ADAMTSL1: variants seen among roughly 807,000 people sequenced by gnomAD.
ADAMTSL1 encodes the protein ADAMTS-like protein 1.
In ADAMTSL1, 126 loss-of-function variants were observed where a neutral mutation model predicts 201.8. That is an observed-to-expected ratio of 0.62 (90% CI 0.54 to 0.72). The LOEUF (loss-of-function observed/expected upper bound fraction) is 0.72, where lower values mean the gene tolerates loss of function less well. ADAMTSL1 is among the 30% of genes least tolerant of loss of function. ADAMTSL1 has a pLI of 0.00. For missense variants in ADAMTSL1, 2,679 were observed against 2,277.8 expected (o/e 1.18, Z -3.59); for synonymous variants, 1,121 against 903.4 (o/e 1.24, Z -4.32).
chr9:18,529,944 T>C (rs941571158), intron 2 of ADAMTSL1, among the ~76,000 whole-genome samples: 5 of 152,200 alleles, frequency 3.3e-5, no homozygotes, highest in African/African-American at 4.8e-5. Context: ...TTTTCCTAAA[T>C]AATAAGTATT....
chr9:18,884,510 C>A (rs1828734221), intron 23 of ADAMTSL1, among the ~76,000 whole-genome samples: 1 of 151,538 alleles, frequency 6.6e-6, no homozygotes, highest in Non-Finnish European at 1.5e-5. Context: ...TTAAAGTTTT[C>A]CCCTGCGATT....
intron 2 of ADAMTSL1, among the ~76,000 whole-genome samples, chr9:18,270,884 CT>C (rs1832333924): frequency 6.6e-6 from 1 of 152,116 alleles, no homozygotes; most frequent in African/African-American, 2.4e-5. Flanking sequence ...AGAGATACAT[CT>C]TTTGCATAGT....
At chr9:18,762,233 A>G (rs1563776700) in intron 16 of ADAMTSL1, among the ~76,000 whole-genome samples, 1 of 152,122 alleles carries the variant, frequency 6.6e-6, no homozygotes, top group Non-Finnish European at 1.5e-5. Context: ...GCACATAAAC[A>G]ATGAGCCCTT....
At chr9:18,884,571 T>C (rs1828738674) in intron 23 of ADAMTSL1, among the ~76,000 whole-genome samples, 1 of 152,202 alleles carries the variant, frequency 6.6e-6, no homozygotes, top group South Asian at 2.1e-4. Context: ...CTTTCATCCA[T>C]TTTGAGTTAA....
chr9:18,585,753 A>G (rs1587642978), intron 4 of ADAMTSL1, among the ~76,000 whole-genome samples: 1 of 144,178 alleles, frequency 6.9e-6, no homozygotes, highest in South Asian at 2.2e-4. Context: ...AAGCTAATTT[A>G]GCATGAGCAA....
At chr9:18,617,562 G>A (rs574883092) in intron 4 of ADAMTSL1, among the ~76,000 whole-genome samples, 1 of 152,030 alleles carries the variant, frequency 6.6e-6, no homozygotes, top group African/African-American at 2.4e-5. Context: ...TCTGAAAGAA[G>A]AATAAAGAAA....
intron 20 of ADAMTSL1, among the ~76,000 whole-genome samples, chr9:18,802,719 C>G (rs1039172104): frequency 6.6e-6 from 1 of 152,136 alleles, no homozygotes; most frequent in Non-Finnish European, 1.5e-5. Flanking sequence ...CTTGGTTATA[C>G]ACACCTAGGA....
At chr9:18,632,588 G>A (rs1294493717) in intron 5 of ADAMTSL1, among the ~76,000 whole-genome samples, 1 of 152,006 alleles carries the variant, frequency 6.6e-6, no homozygotes, top group Non-Finnish European at 1.5e-5. Context: ...CCTTTTTCAG[G>A]ACCATCTCGT....
intron 4 of ADAMTSL1, among the ~76,000 whole-genome samples, chr9:18,587,298 A>G (rs910323873): frequency 3.0e-4 from 45 of 152,180 alleles, no homozygotes; most frequent in African/African-American, 9.9e-4. Context: ...AGTAAAGGGC[A>G]TGAACAGGCA....
At chr9:18,665,807 C>G (rs1201037966) in intron 9 of ADAMTSL1, among the ~76,000 whole-genome samples, 2 of 152,100 alleles carry the variant, frequency 1.3e-5, no homozygotes, top group African/African-American at 4.8e-5. Context: ...CGCCTATACT[C>G]TTCAAAATAC....
At chr9:18,053,485 A>G (rs564786578) in intron 1 of ADAMTSL1, among the ~76,000 whole-genome samples, 1 of 152,364 alleles carries the variant, frequency 6.6e-6, no homozygotes, top group Admixed American at 6.5e-5. Context: ...TAATTTTTAA[A>G]AACAAAGTCC....
At chr9:17,930,178 T>G (rs1563902180) in intron 1 of ADAMTSL1, among the ~76,000 whole-genome samples, 1 of 152,150 alleles carries the variant, frequency 6.6e-6, no homozygotes, top group African/African-American at 2.4e-5. Context: ...TTGGCAGGGC[T>G]GAAGTGGGGG....
At chr9:18,886,482 G>C (rs972889682) in intron 23 of ADAMTSL1, among the ~76,000 whole-genome samples, 3 of 151,926 alleles carry the variant, frequency 2.0e-5, no homozygotes, top group Non-Finnish European at 2.9e-5. Context: ...GTCCAGTCAG[G>C]CTGATATAAC....
At chr9:17,983,049 CT>C (rs1818777521) in intron 1 of ADAMTSL1, among the ~76,000 whole-genome samples, 10 of 107,088 alleles carry the variant, frequency 9.3e-5, no homozygotes, top group African/African-American at 3.3e-4. Flanking sequence ...TTTTCATTTT[CT>C]TTTTCTTTTC....
chr9:18,159,839 GCAGA>G, intron 1 of ADAMTSL1, among the ~76,000 whole-genome samples: 1 of 152,020 alleles, frequency 6.6e-6, no homozygotes, highest in Non-Finnish European at 1.5e-5. Flanking sequence ...AATGTATATT[GCAGA>G]CATAGTTTGA....
rs532875293 is a variant in ADAMTSL1, at chr9:18,203,246, A to T, written c.207+39265A>T. ...CTAGCCCTAGGATGCCTCTAATAGG[A>T]TGCTGAGAGAACCAGGGACTATATT... On this transcript the variant is annotated intron_variant, in intron 2 of 29. Coordinates refer to the ADAMTSL1 transcript ENST00000680146. Among the ~76,000 whole-genome samples, 17 of 152,182 alleles carry T rather than the reference A, an allele frequency of 1.1e-4. No homozygotes were observed. The South Asian group carries it at 3.5e-3, about 32-fold the overall frequency.
chr9:17,923,372 G>T (rs1350685412), intron 1 of ADAMTSL1, among the ~76,000 whole-genome samples: 2 of 138,490 alleles, frequency 1.4e-5, no homozygotes, highest in African/African-American at 2.7e-5. Context: ...TTGTAAGTTG[G>T]ATTCCTAGGT....
At chr9:18,213,141 C>A (rs944202438) in intron 2 of ADAMTSL1, among the ~76,000 whole-genome samples, 1 of 152,172 alleles carries the variant, frequency 6.6e-6, no homozygotes, top group Non-Finnish European at 1.5e-5. Context: ...AAGAAAGAAA[C>A]TGTAAGCTAC....
chr9:18,200,294 A>C (rs1829384883), intron 2 of ADAMTSL1, among the ~76,000 whole-genome samples: 1 of 152,004 alleles, frequency 6.6e-6, no homozygotes, highest in African/African-American at 2.4e-5. Flanking sequence ...TTTGTACACA[A>C]GTCAGATAAT....
Sources: allele counts gnomAD v4.1 joint callset (sites outside exome capture counted in the v4.1 genomes callset), GRCh38; gene constraint gnomAD v4.1.1; transcripts MANE v1.5; gene names NCBI Gene and HGNC (gene_info 2026-07-23, HGNC 2026-07-21).